CACNA1B: variants seen among roughly 807,000 people sequenced by gnomAD.
CACNA1B encodes the protein voltage-dependent N-type calcium channel subunit alpha-1B.
In CACNA1B, 70 loss-of-function variants were observed where a neutral mutation model predicts 247.2. The ratio of observed to expected loss-of-function variants is 0.28; its 90% confidence interval spans 0.23 to 0.35. The LOEUF (loss-of-function observed/expected upper bound fraction) is 0.35, where lower values mean the gene tolerates loss of function less well. CACNA1B is among the 10% of genes least tolerant of loss of function. The pLI is 1.00. For synonymous variants in CACNA1B, 1,231 were observed against 1,294.4 expected, an observed-to-expected ratio of 0.95 and a Z score of 1.05; for missense variants, 2,367 against 3,197.4, an observed-to-expected ratio of 0.74 and a Z score of 6.26.
In CACNA1B at chr9:138,043,888, G is replaced by T; in HGVS notation, c.3401G>T (p.Ser1134Ile). 1 of 1,613,750 alleles carries T rather than the reference G, an allele frequency of 6.2e-7. No homozygotes were observed. Among genetic ancestry groups the T allele is most frequent in the Non-Finnish European group, 8.5e-7 (1 of 1,179,668 alleles). ...IVPYSSMFCLSPTNLLRRFCH... is the reference protein window; with the variant it reads ...IVPYSSMFCLIPTNLLRRFCH... ...CCATACAGCTCCATGTTCTGTTTAA[G>T]CCCCACCAACCTGTGAGTCTCCTTG... Residue 1134 changes from serine to isoleucine, a missense_variant, in exon 21 of 47, where the codon AGC (serine) becomes ATC (isoleucine). By Grantham distance (142) the Ser-to-Ile change is moderately radical. Coordinates refer to ENST00000371372, the MANE Select transcript of CACNA1B (RefSeq NM_000718.4).
At chr9:137,972,166 A>G (rs1171376178) in intron 11 of CACNA1B, among the ~76,000 whole-genome samples, 1 of 152,218 alleles carries the variant, frequency 6.6e-6, no homozygotes, top group South Asian at 2.1e-4. Flanking sequence ...AAGCCTCAGC[A>G]CAGGGGCCAG....
rs1178324216 is a variant in CACNA1B, at chr9:137,881,545, T to G, written c.391-1199T>G. ...CCTCAGGGGAGGCCCTTGAAGCTGG[T>G]CTCCTCTCCCCACCCCTTCACCTGC... On this transcript the variant is annotated intron_variant, in intron 2 of 46. Transcript: ENST00000371372. This position sits in a 1 kb window ranked among gnomAD's most constrained non-coding sequence, Gnocchi z 4.3. Among the ~76,000 whole-genome samples the G allele has an allele frequency of 6.6e-6, 1 of 152,014 alleles. No homozygotes were observed. Among genetic ancestry groups the G allele is most frequent in the Non-Finnish European group, 1.5e-5 (1 of 67,996 alleles).
chr9:137,922,799 C>CTA (rs1957502435), intron 6 of CACNA1B, among the ~76,000 whole-genome samples: 1 of 152,144 alleles, frequency 6.6e-6, no homozygotes, highest in African/African-American at 2.4e-5. Flanking sequence ...ACCTGCAAAA[C>CTA]TATAGTCAGG....
chr9:138,013,207 A>G lies in CACNA1B; in HGVS notation c.2239A>G (p.Met747Val), dbSNP rs779300351. ...CAAAGAAGTGGCTGAAGTCAGCCCC[A>G]TGTCTGCCGCGAACATCTCCATCGC... ...KAKEVAEVSP[M>V]SAANISIAAR... The change falls in exon 18 of 47, where the codon ATG (methionine) becomes GTG (valine). Residue 747 changes from methionine to valine, a missense_variant. This residue lies in a region of CACNA1B where 631 missense variants were observed against 631.1 expected (regional missense o/e 1.00). Transcript: ENST00000371372. 3 of 1,605,606 alleles carry G rather than the reference A, an allele frequency of 1.9e-6. No homozygotes were observed. In the African/African-American group the frequency reaches 4.0e-5, roughly 22 times the overall value.
intron 6 of CACNA1B, among the ~76,000 whole-genome samples, chr9:137,937,808 A>T (rs1957685282): frequency 1.3e-5 from 2 of 151,802 alleles, no homozygotes; most frequent in African/African-American, 2.4e-5. Context: ...TTAGCTGGGA[A>T]TGGTGGTGCA....
rs189314012 is a variant in CACNA1B at position 137,913,490 on chromosome 9, A to T, written c.622+219A>T. Among the ~76,000 whole-genome samples the T allele has an allele frequency of 1.2e-3, 178 of 152,224 alleles. 1 individual carries two copies. The highest frequency in any genetic ancestry group is 1.6e-3 in the Non-Finnish European group (112 of 68,012). ...AGGGTGATGCTGTTATTTTACCCTG[A>T]CCTGGCTTCCCTAGATGGAAGCTTT... On this transcript the variant is annotated intron_variant, in intron 4 of 46. Coordinates refer to ENST00000371372, the MANE Select transcript of CACNA1B (RefSeq NM_000718.4). This position sits in a 1 kb window ranked among gnomAD's most constrained non-coding sequence, Gnocchi z 5.2.
At position 137,952,467 on chromosome 9, in the gene CACNA1B, C is replaced by T. The variant is rs957894543; in HGVS notation, c.1070+90C>T. On this transcript the variant is annotated intron_variant, in intron 7 of 46. Coordinates refer to ENST00000371372, the MANE Select transcript of CACNA1B (RefSeq NM_000718.4). This position sits in a 1 kb window ranked among gnomAD's most constrained non-coding sequence, Gnocchi z 4.8. The stretch of plus-strand genomic sequence containing the variant: ...GCACGTGTGACACTTGGGGTGGGGG[C>T]CTGGCCCATGGGTGCCCTCTGTGGT... The T allele has an allele frequency of 9.1e-7, 1 of 1,095,448 alleles. No individual in the cohort carries two copies. The highest frequency in any genetic ancestry group is 1.5e-5 in the African/African-American group (1 of 64,838). The allele number at this position is 1,095,448 out of a possible 1,614,324, so 67.9% of individuals were successfully genotyped here.
intron 10 of CACNA1B, among the ~76,000 whole-genome samples, chr9:137,964,103 C>A (rs1415999137): frequency 6.6e-6 from 1 of 152,200 alleles, no homozygotes; most frequent in East Asian, 1.9e-4. Context: ...CCTGGCCTTT[C>A]TCTCTGGCTG....
In CACNA1B at chr9:137,955,082, A is replaced by C. The variant is rs919464910; in HGVS notation, c.1071-616A>C. ...GTGAGATGTCGGGGGCCAATGACAG[A>C]AGGTCTCCTCTCCTGCTCACTGTGA... On this transcript the variant is annotated intron_variant, in intron 7 of 46. Coordinates refer to ENST00000371372, the MANE Select transcript of CACNA1B (RefSeq NM_000718.4). The surrounding 1 kb of genome is among the most constrained non-coding windows in gnomAD (Gnocchi z 6.9). Among the ~76,000 whole-genome samples the C allele has an allele frequency of 3.3e-5, 5 of 151,882 alleles. No homozygotes were observed. Among genetic ancestry groups the C allele is most frequent in the African/African-American group, 1.2e-4 (5 of 41,302 alleles).
chr9:137,968,314 C>T (rs1224911381), intron 10 of CACNA1B, among the ~76,000 whole-genome samples: 2 of 152,190 alleles, frequency 1.3e-5, no homozygotes, highest in Non-Finnish European at 2.9e-5. Flanking sequence ...GCTGTGTCAC[C>T]ACCCCAGGCT....
rs1364689571 is a variant in CACNA1B at position 137,880,623 on chromosome 9, G to A, written c.390+1464G>A. ...GGGAGGGTTTACTTTGTGGTCATAGGTTGGGGAGGACACTTCTAGGAGTGG... is the reference window on the plus strand; with the variant it reads ...GGGAGGGTTTACTTTGTGGTCATAGATTGGGGAGGACACTTCTAGGAGTGG... On this transcript the variant is annotated intron_variant, in intron 2 of 46. Transcript: ENST00000371372. This position sits in a 1 kb window ranked among gnomAD's most constrained non-coding sequence, Gnocchi z 4.8. Among the ~76,000 whole-genome samples the A allele has an allele frequency of 6.6e-6, 1 of 152,184 alleles. No individual in the cohort carries two copies. The highest frequency in any genetic ancestry group is 2.4e-5 in the African/African-American group (1 of 41,454).
intron 3 of CACNA1B, among the ~76,000 whole-genome samples, chr9:137,894,974 G>C (rs1957156912): frequency 6.6e-6 from 1 of 152,118 alleles, no homozygotes; most frequent in African/African-American, 2.4e-5. Context: ...TTTTTCCCGT[G>C]ATTCTCTTTT....
chr9:137,980,412 A>G (rs1369899144), intron 12 of CACNA1B, among the ~76,000 whole-genome samples: 3 of 152,226 alleles, frequency 2.0e-5, no homozygotes, highest in Non-Finnish European at 4.4e-5. Flanking sequence ...GTGGCTGAGT[A>G]GTGCTCTGAG....
chr9:138,059,770 C>T lies in CACNA1B; in HGVS notation c.4668+33C>T, dbSNP rs375083943. 9.1e-6 allele frequency: 12 copies of T among 1,317,290 alleles called. No individual in the cohort carries two copies. Among genetic ancestry groups the T allele is most frequent in the Non-Finnish European group, 1.2e-5 (11 of 909,822 alleles). 81.6% of individuals were successfully genotyped at this position (1,317,290 alleles called of 1,614,324 possible). A position where few individuals can be genotyped will look rare whatever the true frequency, so the allele number is the denominator to read the frequency against. On this transcript the variant is annotated intron_variant, in intron 31 of 46. Transcript: ENST00000371372. The surrounding 1 kb of genome is among the most constrained non-coding windows in gnomAD (Gnocchi z 4.2). ...GCATTTCTGTCCCTCCTTCAGGGTC[C>T]CCAGGTGGTTTCCTTCTAGAGCCTG...
At chr9:138,085,842 A>C (rs1298622286) in intron 36 of CACNA1B, among the ~76,000 whole-genome samples, 2 of 151,360 alleles carry the variant, frequency 1.3e-5, no homozygotes, top group Admixed American at 1.3e-4. Context: ...TTTCCCAGAC[A>C]AGCAAGAAGT....
intron 12 of CACNA1B, among the ~76,000 whole-genome samples, chr9:137,977,713 G>A (rs1306545895): frequency 3.3e-5 from 5 of 152,102 alleles, no homozygotes; most frequent in African/African-American, 9.7e-5. Context: ...TGGGCACGCC[G>A]CCCCCTGAGG....
chr9:137,910,187 C>T (rs1488487500), intron 3 of CACNA1B, among the ~76,000 whole-genome samples: 1 of 152,126 alleles, frequency 6.6e-6, no homozygotes, highest in Non-Finnish European at 1.5e-5. Flanking sequence ...ATTTGTGTAT[C>T]TTCTTTGGAA....
intron 31 of CACNA1B, among the ~76,000 whole-genome samples, chr9:138,063,219 C>A (rs896605365): frequency 1.3e-5 from 2 of 151,934 alleles, no homozygotes; most frequent in African/African-American, 4.8e-5. Flanking sequence ...CTTGGGCAGG[C>A]ACAGTGGCCA....
At position 137,971,417 on chromosome 9, in the gene CACNA1B, G is replaced by A; in HGVS notation, c.1368G>A (p.Gly456=). Reference sequence around the variant, plus strand: ...TCGCCCGCGCCAGCCTCAAGAGCGGGAAGACAGAGAGCTCGTCATACTTCC... The same window carrying A: ...TCGCCCGCGCCAGCCTCAAGAGCGGAAAGACAGAGAGCTCGTCATACTTCC... ...SPFARASLKS[G]KTESSSYFRR... is the part of the protein sequence containing the mutation. The change falls in exon 11 of 47, where the codon GGG becomes GGA. Residue 456 remains glycine, a synonymous_variant. Coordinates refer to ENST00000371372, the MANE Select transcript of CACNA1B (RefSeq NM_000718.4). The surrounding 1 kb of genome is among the most constrained non-coding windows in gnomAD (Gnocchi z 4.4). 1 of 1,613,430 alleles carries A rather than the reference G, an allele frequency of 6.2e-7. No homozygotes were observed. The highest frequency in any genetic ancestry group is 1.1e-5 in the South Asian group (1 of 90,904).
Sources: gnomAD v4.1 joint callset for allele counts (sites outside exome capture counted in the v4.1 genomes callset) on GRCh38, gnomAD v4.1.1 for gene constraint, gnomAD v4.1.1 regional missense constraint, Gnocchi (gnomAD v3.1) non-coding constraint, MANE v1.5 for transcripts, NCBI Gene and HGNC (gene_info 2026-07-23, HGNC 2026-07-21) for gene names.